The following STPG2 variants were observed in gnomAD, a reference collection of about 807,000 sequenced individuals.
STPG2 encodes the protein sperm tail PG-rich repeat containing 2, also known as sperm-tail PG-rich repeat-containing protein 2.
STPG2 carries 56 observed loss-of-function variants against 54.2 expected under a neutral mutation model. That is an observed-to-expected ratio of 1.03 (90% confidence interval 0.83 to 1.29). The LOEUF (loss-of-function observed/expected upper bound fraction) is 1.29. Among genes scored for constraint, STPG2 ranks in the 50% most tolerant of loss-of-function variants. STPG2 has a pLI of 0.00. For missense variants in STPG2, 596 were observed against 544.9 expected, an observed-to-expected ratio of 1.09 and a Z score of -0.93; for synonymous variants, 200 against 181.8, an observed-to-expected ratio of 1.10 and a Z score of -0.81.
At position 98,050,882 on chromosome 4, in the gene STPG2, G is replaced by A. The variant is rs180925481; in HGVS notation, c.612+55071C>T. On this transcript the variant is annotated intron_variant, in intron 5 of 10. Transcript: ENST00000295268. ...TAGCCGGGCGTGGTGTCGGACGCCT[G>A]TAGTCCCAGCTACTCGGGAGGCTGA... Among the ~76,000 whole-genome samples, 20 of 152,158 alleles carry A rather than the reference G, an allele frequency of 1.3e-4. No homozygotes were observed. The East Asian group carries it at 3.7e-3, about 28-fold the overall frequency.
chr4:97,540,554 G>C (rs1436590965), intron 4 of STPG2, among the ~76,000 whole-genome samples: 1 of 152,138 alleles, frequency 6.6e-6, no homozygotes, highest in Non-Finnish European at 1.5e-5. Flanking sequence ...TTACAAGGAG[G>C]AGCTGGTACC....
At chr4:97,635,729 C>T (rs966874771) in intron 10 of STPG2, among the ~76,000 whole-genome samples, 2 of 151,040 alleles carry the variant, frequency 1.3e-5, no homozygotes, top group South Asian at 2.1e-4. Context: ...CAACAAAGAT[C>T]GAAAGAGACA....
At chr4:97,779,315 T>G (rs921175681) in intron 9 of STPG2, among the ~76,000 whole-genome samples, 3 of 152,012 alleles carry the variant, frequency 2.0e-5, no homozygotes, top group African/African-American at 4.8e-5. Flanking sequence ...TTCGATCAAC[T>G]GGAAGAAAGG....
At chr4:97,692,482 T>C (rs959215914) in intron 10 of STPG2, among the ~76,000 whole-genome samples, 6 of 151,832 alleles carry the variant, frequency 4.0e-5, no homozygotes, top group Non-Finnish European at 5.9e-5. Flanking sequence ...ATTAACCCAA[T>C]CTGAAAACAA....
At chr4:97,547,009 T>G in intron 4 of STPG2, among the ~76,000 whole-genome samples, 1 of 152,098 alleles carries the variant, frequency 6.6e-6, no homozygotes, top group Admixed American at 6.6e-5. Context: ...CTAATATAGG[T>G]TTTTTTAAAA....
intron 10 of STPG2, among the ~76,000 whole-genome samples, chr4:97,649,566 T>C (rs920837200): frequency 6.6e-6 from 1 of 152,176 alleles, no homozygotes; most frequent in African/African-American, 2.4e-5. Flanking sequence ...TTTGCTGGGC[T>C]TTGCCTGCAG....
intron 6 of STPG2, among the ~76,000 whole-genome samples, chr4:97,975,133 G>T (rs946153986): frequency 2.0e-5 from 3 of 152,102 alleles, no homozygotes; most frequent in Non-Finnish European, 4.4e-5. Flanking sequence ...CCAGAAGTGG[G>T]AATAGAGATT....
intron 4 of STPG2, among the ~76,000 whole-genome samples, chr4:97,484,792 T>A (rs1401300164): frequency 2.0e-5 from 3 of 151,814 alleles, no homozygotes; most frequent in African/African-American, 7.3e-5. Flanking sequence ...CTGATGAACA[T>A]AGATGCTAAA....
intron 10 of STPG2, among the ~76,000 whole-genome samples, chr4:97,566,485 C>G (rs888646588): frequency 1.4e-4 from 22 of 152,146 alleles, no homozygotes; most frequent in Admixed American, 1.0e-3. Flanking sequence ...TGAGACGAAC[C>G]CGGTACCTCA....
intron 8 of STPG2, among the ~76,000 whole-genome samples, chr4:97,885,359 C>A (rs1010015178): frequency 6.6e-6 from 1 of 152,066 alleles, no homozygotes; most frequent in Non-Finnish European, 1.5e-5. Flanking sequence ...TCATGACATC[C>A]CCAGAATAAC....
At chr4:97,747,384 C>T (rs1725451222) in intron 9 of STPG2, among the ~76,000 whole-genome samples, 1 of 151,352 alleles carries the variant, frequency 6.6e-6, no homozygotes, top group African/African-American at 2.4e-5. Context: ...TGTTGTCAAA[C>T]TCCTATCTAC....
chr4:98,023,079 G>A (rs1285396052), intron 5 of STPG2, among the ~76,000 whole-genome samples: 1 of 152,210 alleles, frequency 6.6e-6, no homozygotes, highest in African/African-American at 2.4e-5. Flanking sequence ...TTCCTTTGGA[G>A]GAGGAGAGGA....
chr4:97,899,468 A>C (rs1731091180), intron 8 of STPG2, among the ~76,000 whole-genome samples: 1 of 151,840 alleles, frequency 6.6e-6, no homozygotes. Context: ...ACTAGAAAAA[A>C]AATTTTAAAA....
intron 10 of STPG2, among the ~76,000 whole-genome samples, chr4:97,701,871 G>A (rs1215043236): frequency 2.0e-5 from 3 of 152,082 alleles, no homozygotes; most frequent in Non-Finnish European, 4.4e-5. Context: ...CCACCACTTG[G>A]CCCCTGCCAC....
intron 8 of STPG2, among the ~76,000 whole-genome samples, chr4:97,895,510 A>G (rs988730782): frequency 6.6e-6 from 1 of 151,970 alleles, no homozygotes; most frequent in Admixed American, 6.6e-5. Flanking sequence ...CTTGACATGT[A>G]CTTATCTCAT....
At chr4:98,033,470 C>T (rs1012619288) in intron 5 of STPG2, among the ~76,000 whole-genome samples, 1 of 151,754 alleles carries the variant, frequency 6.6e-6, no homozygotes, top group Non-Finnish European at 1.5e-5. Context: ...AATAGCCTAC[C>T]AACCAAAAAA....
At chr4:97,463,775 A>C (rs2148810161) in intron 4 of STPG2, among the ~76,000 whole-genome samples, 1 of 152,292 alleles carries the variant, frequency 6.6e-6, no homozygotes, top group Non-Finnish European at 1.5e-5. Context: ...ATCTTACATT[A>C]GTATATTTGT....
At chr4:97,637,350 A>C (rs891222653) in intron 10 of STPG2, among the ~76,000 whole-genome samples, 18 of 152,184 alleles carry the variant, frequency 1.2e-4, no homozygotes, top group African/African-American at 4.1e-4. Flanking sequence ...TTTCAAAATA[A>C]TAAGAGCTAT....
intron 4 of STPG2, among the ~76,000 whole-genome samples, chr4:97,552,705 G>A (rs1360950312): frequency 2.6e-5 from 4 of 152,042 alleles, no homozygotes; most frequent in Non-Finnish European, 4.4e-5. Flanking sequence ...ACACTGAAGT[G>A]TAATACTTTT....
Sources: gnomAD v4.1 joint callset for allele counts (sites outside exome capture counted in the v4.1 genomes callset) on GRCh38, gnomAD v4.1.1 for gene constraint, MANE v1.5 for transcripts, NCBI Gene and HGNC (gene_info 2026-07-23, HGNC 2026-07-21) for gene names.